FAM200B: variants seen among roughly 807,000 people sequenced by gnomAD.
The protein encoded by FAM200B is protein FAM200B.
Under a neutral mutation model 33.1 loss-of-function variants are expected in FAM200B, and 32 were observed. The ratio of observed to expected loss-of-function variants is 0.97; its 90% CI spans 0.73 to 1.30. The LOEUF is 1.30. Ranked by LOEUF, FAM200B falls within the 50% of genes most tolerant of loss-of-function variation. FAM200B has a pLI of 0.00. For synonymous variants in FAM200B, 240 were observed against 264.8 expected (o/e 0.91, Z 0.91); for missense variants, 741 against 754.0 (o/e 0.98, Z 0.20).
intron 1 of FAM200B, among the ~76,000 whole-genome samples, chr4:15,686,010 C>G (rs1434420932): frequency 1.3e-5 from 2 of 152,142 alleles, no homozygotes; most frequent in South Asian, 2.1e-4. Flanking sequence ...AGTCCTGATG[C>G]CAACTTCTGG....
the FAM200B span, chr4:15,655,348 G>T: frequency 2.2e-5 from 28 of 1,263,286 alleles, no homozygotes; most frequent in Non-Finnish European, 3.1e-6. Context: ...AGACACCCTC[G>T]CCGCGGGGCA....
At chr4:15,658,733 A>G in the FAM200B span, among the ~76,000 whole-genome samples, 2 of 152,212 alleles carry the variant, frequency 1.3e-5, no homozygotes, top group Non-Finnish European at 2.9e-5. Flanking sequence ...GTATTCTGTT[A>G]TAAGCAATAG....
chr4:15,653,388 GACTA>G, the FAM200B span, among the ~76,000 whole-genome samples: 3 of 152,120 alleles, frequency 2.0e-5, no homozygotes, highest in Non-Finnish European at 2.9e-5. Context: ...GAAAAAGAGC[GACTA>G]ACTTCTTGAA....
the FAM200B span, among the ~76,000 whole-genome samples, chr4:15,647,089 G>A: frequency 2.6e-3 from 391 of 151,364 alleles, 3 homozygotes; most frequent in African/African-American, 9.0e-3. Context: ...AGGGAGTGGT[G>A]GTGTGCACCT....
chr4:15,669,396 G>A, the FAM200B span, among the ~76,000 whole-genome samples: 1 of 152,108 alleles, frequency 6.6e-6, no homozygotes, highest in African/African-American at 2.4e-5. Flanking sequence ...TATATGTAGT[G>A]TTTTGTTAAC....
chr4:15,680,203 T>G (rs1299959220), upstream of FAM200B, among the ~76,000 whole-genome samples: 1 of 152,046 alleles, frequency 6.6e-6, no homozygotes, highest in Non-Finnish European at 1.5e-5. Context: ...CTTGTATCTC[T>G]GCATGAAGAC....
chr4:15,687,095 G>T lies in FAM200B; in HGVS notation c.118G>T (p.Asp40Tyr). Residue 40 changes from aspartate (D) to tyrosine (Y), a missense_variant, in exon 2 of 2, where the codon GAC (aspartate) becomes TAC (tyrosine). Transcript: ENST00000422728. ...TAGTGACAATATTGAGAAAAATACT[G>T]ACTCCAATCTGCAAACTTCAACTTC... ...VNSDNIEKNT[D>Y]SNLQTSTSFE... is the part of the protein sequence containing the mutation. 3 of 1,548,722 alleles carry T rather than the reference G, an allele frequency of 1.9e-6. No individual in the cohort carries two copies. The South Asian group carries it at 3.6e-5, about 19-fold the overall frequency.
chr4:15,679,299 G>A (rs1382787684), upstream of FAM200B, among the ~76,000 whole-genome samples: 3 of 151,948 alleles, frequency 2.0e-5, no homozygotes, highest in Non-Finnish European at 4.4e-5. Context: ...TGATCCACCC[G>A]CTTCGGCCTC....
chr4:15,640,922 C>T, the FAM200B span: 6 of 1,154,974 alleles, frequency 5.2e-6, no homozygotes, highest in South Asian at 1.6e-5. Context: ...ATAAAAGTTT[C>T]GCTTCATTAA....
the FAM200B span, among the ~76,000 whole-genome samples, chr4:15,639,626 TA>T: frequency 1.3e-5 from 2 of 152,222 alleles, no homozygotes; most frequent in Non-Finnish European, 2.9e-5. Context: ...CTTCCACAGA[TA>T]ATTGTGATGG....
the FAM200B span, chr4:15,641,557 T>C: frequency 4.4e-6 from 2 of 454,030 alleles, no homozygotes; most frequent in Non-Finnish European, 8.9e-6. Flanking sequence ...ATATTTTACA[T>C]ATAATACATG....
At chr4:15,648,119 G>A in the FAM200B span, among the ~76,000 whole-genome samples, 1 of 152,160 alleles carries the variant, frequency 6.6e-6, no homozygotes, top group Non-Finnish European at 1.5e-5. Flanking sequence ...AGCATCCTGA[G>A]TTGCTGAGAT....
At chr4:15,662,851 A>G in the FAM200B span, among the ~76,000 whole-genome samples, 38 of 152,316 alleles carry the variant, frequency 2.5e-4, no homozygotes, top group Non-Finnish European at 1.2e-4. Flanking sequence ...GTGGCTAAAC[A>G]TTATTCCCAG....
upstream of FAM200B, among the ~76,000 whole-genome samples, chr4:15,680,247 T>C (rs1466963041): frequency 6.6e-6 from 1 of 152,150 alleles, no homozygotes; most frequent in Non-Finnish European, 1.5e-5. Context: ...TTTAAAATGA[T>C]TACCCGTGAA....
At chr4:15,655,112 G>A in the FAM200B span, 2,127 of 1,016,668 alleles carry the variant, frequency 2.1e-3, 31 homozygotes, top group African/African-American at 0.034. Flanking sequence ...ACGGGGCTGC[G>A]GGCGCGGCGC....
chr4:15,655,465 T>A, the FAM200B span: 1 of 882,108 alleles, frequency 1.1e-6, no homozygotes, highest in Non-Finnish European at 1.4e-6. Context: ...ATGCGATCCC[T>A]GCGGCCCACG....
chr4:15,675,622 C>T, the FAM200B span, among the ~76,000 whole-genome samples: 1 of 143,618 alleles, frequency 7.0e-6, no homozygotes, highest in Admixed American at 7.4e-5. Context: ...GCTCTTGCTG[C>T]CCAAGTTGCA....
the FAM200B span, among the ~76,000 whole-genome samples, chr4:15,647,552 A>T: frequency 6.6e-6 from 1 of 152,166 alleles, no homozygotes; most frequent in Non-Finnish European, 1.5e-5. Context: ...ACATACAGGG[A>T]ATTTTGCATA....
chr4:15,669,636 A>T, the FAM200B span, among the ~76,000 whole-genome samples: 2 of 152,206 alleles, frequency 1.3e-5, no homozygotes, highest in African/African-American at 4.8e-5. Flanking sequence ...AATGATCATC[A>T]ACCCACAGAA....
Sources: allele counts gnomAD v4.1 joint callset (sites outside exome capture counted in the v4.1 genomes callset), GRCh38; gene constraint gnomAD v4.1.1; transcripts MANE v1.5; gene names NCBI Gene and HGNC (gene_info 2026-07-23, HGNC 2026-07-21).